Variants in CSMD1 observed in about 807,000 individuals in gnomAD.
The protein encoded by CSMD1 is CUB and sushi domain-containing protein 1.
CSMD1 carries 213 observed loss-of-function variants against 417.5 expected under a neutral mutation model. That is an observed-to-expected ratio of 0.51 (90% confidence interval 0.46 to 0.57). CSMD1 has a LOEUF of 0.57. CSMD1 is among the 20% of genes least tolerant of loss of function. The pLI is 0.00. For missense variants in CSMD1, 6,923 were observed against 4,529.7 expected (o/e 1.53, Z -15.17); for synonymous variants, 2,862 against 1,736.8 (o/e 1.65, Z -16.11).
intron 3 of CSMD1, among the ~76,000 whole-genome samples, chr8:4,410,412 T>C (rs1180597688): frequency 2.6e-5 from 4 of 152,150 alleles, no homozygotes; most frequent in African/African-American, 7.2e-5. Context: ...TTAAATTAAT[T>C]TTCCCTAACA....
chr8:4,621,480 T>C (rs916494948), intron 2 of CSMD1, among the ~76,000 whole-genome samples: 1 of 152,126 alleles, frequency 6.6e-6, no homozygotes, highest in African/African-American at 2.4e-5. Context: ...TTGAAAAACA[T>C]AATTCACCAA....
At chr8:4,818,439 G>C (rs976216772) in intron 1 of CSMD1, among the ~76,000 whole-genome samples, 2 of 152,218 alleles carry the variant, frequency 1.3e-5, no homozygotes, top group South Asian at 2.1e-4. Flanking sequence ...GATTACAAGA[G>C]AGCTCAGTAA....
intron 3 of CSMD1, among the ~76,000 whole-genome samples, chr8:4,082,722 T>A (rs1202978883): frequency 6.6e-6 from 1 of 151,030 alleles, no homozygotes; most frequent in Admixed American, 6.6e-5. Flanking sequence ...CATTAACTCG[T>A]CATTTAGCAT....
intron 1 of CSMD1, among the ~76,000 whole-genome samples, chr8:4,683,656 G>A (rs758584727): frequency 6.6e-6 from 1 of 152,226 alleles, no homozygotes; most frequent in Non-Finnish European, 1.5e-5. Context: ...GCCCTGGAGT[G>A]TGGGGACTCC....
At chr8:4,899,015 A>C (rs1804688802) in intron 1 of CSMD1, among the ~76,000 whole-genome samples, 1 of 152,184 alleles carries the variant, frequency 6.6e-6, no homozygotes, top group South Asian at 2.1e-4. Context: ...TGAGAGTTTT[A>C]TGCTAAACAC....
rs574969257 is a variant in CSMD1, at chr8:3,176,945, T to C, written c.5725+4165A>G. On this transcript the variant is annotated intron_variant, in intron 37 of 69. Coordinates refer to ENST00000635120, the MANE Select transcript of CSMD1 (RefSeq NM_033225.6). ...AGGTGAGGCCACCATGCCTGGCTAA[T>C]TTTTGCAGTTTTTATAGAGATGAGG... Among the ~76,000 whole-genome samples the C allele has an allele frequency of 2.8e-4, 43 of 152,048 alleles. 1 individual carries two copies. Among genetic ancestry groups the C allele is most frequent in the Admixed American group, 1.3e-3 (20 of 15,268 alleles).
intron 7 of CSMD1, among the ~76,000 whole-genome samples, chr8:3,688,158 A>C (rs533099981): frequency 5.9e-5 from 9 of 152,346 alleles, no homozygotes; most frequent in African/African-American, 2.2e-4. Context: ...AGACACAATA[A>C]AAATACATGA....
In CSMD1 at chr8:3,213,641, CTCTA is replaced by C. The variant is rs547499090; in HGVS notation, c.4867+852_4867+855del. On this transcript the variant is annotated intron_variant, in intron 30 of 69. Coordinates refer to ENST00000635120, the MANE Select transcript of CSMD1 (RefSeq NM_033225.6). ...AAATATATACATATTAGTTTTTTCT[CTCTA>C]TATATATACAGATAAATAGGTGTAA... Among the ~76,000 whole-genome samples, 49 of 151,524 alleles carry C rather than the reference CTCTA, an allele frequency of 3.2e-4. No individual in the cohort carries two copies. The East Asian group carries it at 7.0e-3, about 22-fold the overall frequency.
intron 1 of CSMD1, among the ~76,000 whole-genome samples, chr8:4,743,884 C>T (rs1488074285): frequency 6.6e-6 from 1 of 152,164 alleles, no homozygotes; most frequent in Non-Finnish European, 1.5e-5. Context: ...GTTCTAGTTG[C>T]TCCCTATATC....
At chr8:4,484,741 GGGCGGATCACGAGGTCA>G (rs926090272) in intron 2 of CSMD1, among the ~76,000 whole-genome samples, 1 of 151,968 alleles carries the variant, frequency 6.6e-6, no homozygotes, top group Non-Finnish European at 1.5e-5. Flanking sequence ...AGGCAGAGAC[GGGCGGATCACGAGGTCA>G]GGAGATCGAG....
chr8:4,239,570 C>T lies in CSMD1; in HGVS notation c.415+180383G>A, dbSNP rs7817964. Among the ~76,000 whole-genome samples the T allele has an allele frequency of 3.9e-4, 60 of 152,138 alleles. 1 individual carries two copies. The highest frequency in any genetic ancestry group is 1.1e-3 in the African/African-American group (46 of 41,510). Reference sequence around the variant, plus strand: ...AGCATGTTATGTGCCACCCCATAACCCTCCAGTAAATCCCCTAGCCACCTG... The same window carrying T: ...AGCATGTTATGTGCCACCCCATAACTCTCCAGTAAATCCCCTAGCCACCTG... On this transcript the variant is annotated intron_variant, in intron 3 of 69. Transcript: ENST00000635120.
intron 7 of CSMD1, among the ~76,000 whole-genome samples, chr8:3,697,573 G>C (rs1800623527): frequency 6.6e-6 from 1 of 152,106 alleles, no homozygotes; most frequent in Admixed American, 6.6e-5. Context: ...GCTCATGTAA[G>C]ATGATTTTAT....
chr8:4,632,281 G>T (rs550054162), intron 2 of CSMD1, among the ~76,000 whole-genome samples: 2 of 152,252 alleles, frequency 1.3e-5, no homozygotes, highest in East Asian at 3.9e-4. Context: ...GGGAGGCCGA[G>T]GTGGGCAGAT....
chr8:4,261,832 T>G (rs542614901), intron 3 of CSMD1, among the ~76,000 whole-genome samples: 31 of 152,294 alleles, frequency 2.0e-4, no homozygotes, highest in African/African-American at 6.5e-4. Context: ...ATACCTTATA[T>G]GTATAAAGAT....
chr8:3,298,848 G>A (rs537280564), intron 25 of CSMD1, among the ~76,000 whole-genome samples: 1 of 152,148 alleles, frequency 6.6e-6, no homozygotes, highest in Non-Finnish European at 1.5e-5. Flanking sequence ...AGAGCTCAAA[G>A]GTCTATCCTG....
intron 10 of CSMD1, among the ~76,000 whole-genome samples, chr8:3,529,179 C>T (rs921718466): frequency 6.6e-6 from 1 of 152,256 alleles, no homozygotes; most frequent in South Asian, 2.1e-4. Flanking sequence ...GATTTAGGTC[C>T]TACTGTTTGA....
intron 2 of CSMD1, among the ~76,000 whole-genome samples, chr8:4,469,413 A>G (rs1800390049): frequency 6.6e-6 from 1 of 152,244 alleles, no homozygotes; most frequent in Non-Finnish European, 1.5e-5. Context: ...CCGTATTTTC[A>G]GATTACAAGT....
chr8:4,536,645 T>C (rs117819553), intron 2 of CSMD1, among the ~76,000 whole-genome samples: 1 of 152,340 alleles, frequency 6.6e-6, no homozygotes, highest in Non-Finnish European at 1.5e-5. Context: ...TATTTATTTA[T>C]TCCTTTATTT....
intron 7 of CSMD1, among the ~76,000 whole-genome samples, chr8:3,693,593 C>T (rs1046595551): frequency 3.9e-5 from 6 of 151,956 alleles, no homozygotes; most frequent in Admixed American, 2.0e-4. Context: ...CACTAAAATC[C>T]CCACCCTTAT....
Sources: allele counts gnomAD v4.1 joint callset (sites outside exome capture counted in the v4.1 genomes callset), GRCh38; gene constraint gnomAD v4.1.1; transcripts MANE v1.5; gene names NCBI Gene and HGNC (gene_info 2026-07-23, HGNC 2026-07-21).